UGP2: variants seen among roughly 807,000 people sequenced by gnomAD.
UGP2 encodes the protein UDP-glucose pyrophosphorylase 2, also known as UTP--glucose-1-phosphate uridylyltransferase.
UGP2 carries 40 observed loss-of-function variants against 49.0 expected under a neutral mutation model. The observed-to-expected ratio is 0.82, with a 90% CI of 0.63 to 1.06. The LOEUF (loss-of-function observed/expected upper bound fraction) is 1.06. UGP2 is among the 50% of genes least tolerant of loss of function. The pLI, the probability that UGP2 is intolerant of heterozygous loss-of-function variation, is 0.00. For missense variants in UGP2, 460 were observed against 603.5 expected, an observed-to-expected ratio of 0.76 and a Z score of 2.49; for synonymous variants, 225 against 213.0, an observed-to-expected ratio of 1.06 and a Z score of -0.49.
rs774418166 is a variant in UGP2, at chr2:63,842,193, G to C, written c.8G>C (p.Arg3Thr). MS[R>T]FVQDLSKAMS... is the part of the protein sequence containing the mutation. Reference sequence around the variant, plus strand: ...TTTTACTAAGCCCCTAAAATGTCGAGATTTGTACAAGGTAAGAAATGCTGC... The same window carrying C: ...TTTTACTAAGCCCCTAAAATGTCGACATTTGTACAAGGTAAGAAATGCTGC... The change falls in exon 1 of 10, where the codon AGA (arginine) becomes ACA (threonine). Residue 3 changes from arginine (R) to threonine (T), a missense_variant. Transcript: ENST00000337130. The C allele has an allele frequency of 6.2e-6, 10 of 1,600,146 alleles. 1 individual carries two copies. In the South Asian group the frequency reaches 1.1e-4, roughly 18 times the overall value.
chr2:63,848,266 G>A (rs1345637541), intron 1 of UGP2, among the ~76,000 whole-genome samples: 1 of 152,144 alleles, frequency 6.6e-6, no homozygotes, highest in Non-Finnish European at 1.5e-5. Context: ...TTTGAACTTG[G>A]AGTAATAGTG....
At chr2:63,852,483 C>G (rs1001103414) in intron 1 of UGP2, among the ~76,000 whole-genome samples, 1 of 152,220 alleles carries the variant, frequency 6.6e-6, no homozygotes, top group Non-Finnish European at 1.5e-5. Context: ...TTTGGCTACT[C>G]CAAAAGATAC....
chr2:63,852,127 CTG>C (rs1669083964), intron 1 of UGP2, among the ~76,000 whole-genome samples: 1 of 141,214 alleles, frequency 7.1e-6, no homozygotes, highest in Non-Finnish European at 1.5e-5. Flanking sequence ...GGTGCCATCT[CTG>C]AAACACAGGG....
chr2:63,846,294 T>G (rs1303784887), intron 1 of UGP2: 2 of 152,174 alleles, frequency 1.3e-5, no homozygotes, highest in Non-Finnish European at 2.9e-5. Flanking sequence ...GTGGGTGCCA[T>G]TTGGAATTTT....
chr2:63,856,268 G>A, intron 1 of UGP2, 38 bp from the exon 2 acceptor site: 3 of 1,599,952 alleles, frequency 1.9e-6, no homozygotes, highest in Non-Finnish European at 8.5e-7. Flanking sequence ...ATGGCTTCCT[G>A]GAGTTTTCAG....
intron 3 of UGP2, among the ~76,000 whole-genome samples, chr2:63,862,113 G>A (rs781436711): frequency 3.6e-4 from 55 of 151,944 alleles, no homozygotes; most frequent in Admixed American, 2.4e-3. Flanking sequence ...GATTTGCTTT[G>A]AGCATGTGAA....
intron 3 of UGP2, among the ~76,000 whole-genome samples, chr2:63,860,786 T>G (rs1443593610): frequency 1.4e-5 from 2 of 143,512 alleles, no homozygotes; most frequent in African/African-American, 5.1e-5. Flanking sequence ...TTTTTTTTTG[T>G]AGAGACAGGG....
intron 3 of UGP2, among the ~76,000 whole-genome samples, chr2:63,873,739 T>TA (rs1210103643): frequency 6.6e-6 from 1 of 151,964 alleles, no homozygotes; most frequent in Non-Finnish European, 1.5e-5. Flanking sequence ...GAGTGGAAGG[T>TA]AAAAAAGGTC....
chr2:63,845,774 G>A (rs896184602), intron 1 of UGP2, among the ~76,000 whole-genome samples: 1 of 152,124 alleles, frequency 6.6e-6, no homozygotes, highest in African/African-American at 2.4e-5. Flanking sequence ...CACCTGTTTT[G>A]AATGTAGTAG....
At chr2:63,884,155 G>A in intron 5 of UGP2, 62 bp downstream of exon 5, 1 of 1,581,522 alleles carries the variant, frequency 6.3e-7, no homozygotes, top group African/African-American at 1.4e-5. Flanking sequence ...TCTTTATCTT[G>A]TTTATAACAG....
chr2:63,881,384 T>C (rs966777340), intron 3 of UGP2, among the ~76,000 whole-genome samples: 5 of 148,634 alleles, frequency 3.4e-5, no homozygotes, highest in Non-Finnish European at 7.4e-5. Context: ...CACACGTTCC[T>C]ACGGTAGCAG....
intron 1 of UGP2, among the ~76,000 whole-genome samples, chr2:63,853,856 T>C (rs1020666217): frequency 6.6e-6 from 1 of 152,126 alleles, no homozygotes; most frequent in East Asian, 1.9e-4. Flanking sequence ...ATTAGGAAAC[T>C]GGGGGAAAGG....
intron 3 of UGP2, among the ~76,000 whole-genome samples, chr2:63,869,277 C>T (rs1340978654): frequency 6.6e-6 from 1 of 152,178 alleles, no homozygotes; most frequent in African/African-American, 2.4e-5. Context: ...TAGAGACCTA[C>T]AGTCTGTTTT....
At chr2:63,883,883 C>G in intron 4 of UGP2, 77 bp from the exon 5 acceptor site, 2 of 1,503,430 alleles carry the variant, frequency 1.3e-6, no homozygotes, top group African/African-American at 2.8e-5. Context: ...TATGATTTAA[C>G]CATTAAGAAC....
chr2:63,874,742 T>A (rs1371091598), intron 3 of UGP2, among the ~76,000 whole-genome samples: 1 of 151,894 alleles, frequency 6.6e-6, no homozygotes, highest in African/African-American at 2.4e-5. Context: ...GAATGAGTTC[T>A]CGTTTCATTA....
At chr2:63,868,667 A>T (rs1325855206) in intron 3 of UGP2, among the ~76,000 whole-genome samples, 1 of 152,144 alleles carries the variant, frequency 6.6e-6, no homozygotes, top group Non-Finnish European at 1.5e-5. Context: ...ATTGTTTTTT[A>T]AAAAGAGTAT....
chr2:63,882,242 T>C (rs1158240379), intron 3 of UGP2, among the ~76,000 whole-genome samples: 1 of 152,180 alleles, frequency 6.6e-6, no homozygotes, highest in Non-Finnish European at 1.5e-5. Flanking sequence ...TCGTACTCCA[T>C]TGTAAAGTAA....
chr2:63,891,077 A>G lies in UGP2; in HGVS notation c.1420-43A>G, dbSNP rs569834393. 5 of 1,543,888 alleles carry G rather than the reference A, an allele frequency of 3.2e-6. No homozygotes were observed. The African/African-American group carries it at 5.5e-5, about 17-fold the overall frequency. On this transcript the variant is annotated intron_variant, in intron 9 of 9. Transcript: ENST00000337130. ...GATCACTGTAAGATAATCAAATTGC[A>G]TTTCAGTTGCAAGTACACTCTTTTG... is the stretch of plus-strand genomic sequence containing the variant.
At chr2:63,843,628 T>C (rs1356796269) in intron 1 of UGP2, among the ~76,000 whole-genome samples, 3 of 152,364 alleles carry the variant, frequency 2.0e-5, no homozygotes, top group East Asian at 3.9e-4. Context: ...TGCCAACTTG[T>C]CCTCAGAAGA....
Sources: gnomAD v4.1 joint callset for allele counts (sites outside exome capture counted in the v4.1 genomes callset) on GRCh38, gnomAD v4.1.1 for gene constraint, MANE v1.5 for transcripts, NCBI Gene and HGNC (gene_info 2026-07-23, HGNC 2026-07-21) for gene names.